The following RPS6KC1 variants were observed in gnomAD, a reference collection of about 807,000 sequenced individuals.
RPS6KC1 encodes the protein inactive ribosomal protein S6 kinase delta-1.
A neutral mutation model predicts 103.8 loss-of-function variants in RPS6KC1; 54 were observed. The ratio of observed to expected loss-of-function variants is 0.52; its 90% CI spans 0.42 to 0.65. RPS6KC1 has a LOEUF of 0.65. Among genes scored for constraint, RPS6KC1 ranks in the 30% least tolerant of loss-of-function variants. RPS6KC1 has a pLI of 0.00. For synonymous variants in RPS6KC1, 439 were observed against 438.7 expected, an observed-to-expected ratio of 1.00 and a Z score of -0.01; for missense variants, 1,151 against 1,253.8, an observed-to-expected ratio of 0.92 and a Z score of 1.24.
chr1:213,494,432 T>C, the RPS6KC1 span, among the ~76,000 whole-genome samples: 4 of 151,938 alleles, frequency 2.6e-5, no homozygotes, highest in African/African-American at 9.7e-5. Flanking sequence ...AAGAAAAATG[T>C]AGAGAAATGG....
chr1:213,666,554 AATT>A, the RPS6KC1 span, among the ~76,000 whole-genome samples: 1 of 152,240 alleles, frequency 6.6e-6, no homozygotes, highest in Admixed American at 6.5e-5. Context: ...TTACTTATCT[AATT>A]ATATTTTATA....
chr1:213,722,957 T>C, the RPS6KC1 span, among the ~76,000 whole-genome samples: 1 of 152,174 alleles, frequency 6.6e-6, no homozygotes, highest in Non-Finnish European at 1.5e-5. Flanking sequence ...GGTTGGTGGA[T>C]CACCTGAGGT....
the RPS6KC1 span, among the ~76,000 whole-genome samples, chr1:213,448,816 A>G: frequency 1.3e-3 from 196 of 150,596 alleles, no homozygotes; most frequent in African/African-American, 4.4e-3. Context: ...AAGGAACTCT[A>G]TTTTTTCTTG....
At chr1:213,775,083 C>T in the RPS6KC1 span, among the ~76,000 whole-genome samples, 1 of 152,088 alleles carries the variant, frequency 6.6e-6, no homozygotes, top group African/African-American at 2.4e-5. Context: ...GAAAGTGAAC[C>T]ATGAGGCACA....
chr1:213,643,182 A>C, the RPS6KC1 span, among the ~76,000 whole-genome samples: 3 of 151,100 alleles, frequency 2.0e-5, no homozygotes, highest in African/African-American at 7.4e-5. Context: ...TACGAATTTT[A>C]AAGTCAATTT....
chr1:213,588,954 G>C, the RPS6KC1 span, among the ~76,000 whole-genome samples: 5 of 152,200 alleles, frequency 3.3e-5, no homozygotes, highest in Non-Finnish European at 7.3e-5. Flanking sequence ...GAGGCAGACA[G>C]TGTTCTTACA....
At chr1:213,802,203 G>C in the RPS6KC1 span, among the ~76,000 whole-genome samples, 1 of 152,154 alleles carries the variant, frequency 6.6e-6, no homozygotes, top group Non-Finnish European at 1.5e-5. Context: ...AACTGTAGAG[G>C]AATCCCTAAT....
the RPS6KC1 span, among the ~76,000 whole-genome samples, chr1:213,848,634 C>T: frequency 6.6e-6 from 1 of 152,118 alleles, no homozygotes; most frequent in Non-Finnish European, 1.5e-5. Flanking sequence ...AACCTTCATA[C>T]ACTGTATAAT....
chr1:213,833,430 T>C, the RPS6KC1 span, among the ~76,000 whole-genome samples: 1 of 152,214 alleles, frequency 6.6e-6, no homozygotes, highest in South Asian at 2.1e-4. Context: ...GTGGCTCATT[T>C]ATTTGTTTGT....
the RPS6KC1 span, among the ~76,000 whole-genome samples, chr1:213,300,949 A>G: frequency 6.6e-6 from 1 of 152,098 alleles, no homozygotes; most frequent in African/African-American, 2.4e-5. Context: ...AGGGTGGGGA[A>G]TCAGCCGATC....
chr1:213,182,575 A>G (rs912749560), intron 8 of RPS6KC1, among the ~76,000 whole-genome samples: 3 of 152,022 alleles, frequency 2.0e-5, no homozygotes, highest in African/African-American at 7.2e-5. Context: ...GAAAATGGAA[A>G]CAGAGAGAAC....
chr1:213,333,005 T>C, the RPS6KC1 span, among the ~76,000 whole-genome samples: 1 of 152,200 alleles, frequency 6.6e-6, no homozygotes, highest in Non-Finnish European at 1.5e-5. Flanking sequence ...ACCAGGTCTC[T>C]TCTTGTTTGT....
the RPS6KC1 span, among the ~76,000 whole-genome samples, chr1:213,330,288 T>G: frequency 6.6e-6 from 1 of 152,242 alleles, no homozygotes; most frequent in East Asian, 1.9e-4. Flanking sequence ...CCAACTGGCT[T>G]CTCTGTTCAT....
At chr1:213,077,657 A>C (rs1217096016) in intron 2 of RPS6KC1, 39 bp from the exon 3 acceptor site, 1 of 1,278,458 alleles carries the variant, frequency 7.8e-7, no homozygotes, top group Admixed American at 2.5e-5. Context: ...TCTGAACCTA[A>C]ATGGTTATGA....
At chr1:213,710,615 G>T in the RPS6KC1 span, among the ~76,000 whole-genome samples, 2 of 152,100 alleles carry the variant, frequency 1.3e-5, no homozygotes, top group Non-Finnish European at 2.9e-5. Context: ...AGTGTCAATG[G>T]TCTTTACATT....
chr1:213,404,540 G>A, the RPS6KC1 span, among the ~76,000 whole-genome samples: 1 of 152,074 alleles, frequency 6.6e-6, no homozygotes, highest in Non-Finnish European at 1.5e-5. Flanking sequence ...TGCTACGTGA[G>A]GACCAATGGG....
the RPS6KC1 span, among the ~76,000 whole-genome samples, chr1:213,346,671 A>T: frequency 6.6e-6 from 1 of 152,196 alleles, no homozygotes; most frequent in African/African-American, 2.4e-5. Flanking sequence ...CTGACATAGT[A>T]TGATACCTTT....
At chr1:213,307,906 A>C in the RPS6KC1 span, among the ~76,000 whole-genome samples, 2 of 152,200 alleles carry the variant, frequency 1.3e-5, no homozygotes, top group African/African-American at 4.8e-5. Flanking sequence ...CAGAAAGCAC[A>C]GTACTTGCTT....
At chr1:213,810,135 A>G in the RPS6KC1 span, among the ~76,000 whole-genome samples, 4 of 152,156 alleles carry the variant, frequency 2.6e-5, no homozygotes, top group Admixed American at 6.5e-5. Context: ...GGAGGATTGC[A>G]ATAATGTGGA....
Sources: allele counts gnomAD v4.1 joint callset (sites outside exome capture counted in the v4.1 genomes callset), GRCh38; gene constraint gnomAD v4.1.1; transcripts MANE v1.5; gene names NCBI Gene and HGNC (gene_info 2026-07-23, HGNC 2026-07-21).